Variants in ZNF713 observed in about 807,000 individuals in gnomAD.
ZNF713 encodes zinc finger protein 713.
Under a neutral mutation model 28.7 loss-of-function variants are expected in ZNF713, and 21 were observed. That is an observed-to-expected ratio of 0.73 (90% confidence interval 0.52 to 1.05). The LOEUF (loss-of-function observed/expected upper bound fraction) is 1.05, where lower values mean the gene tolerates loss of function less well. Ranked by LOEUF, ZNF713 falls within the 50% of genes least tolerant of loss-of-function variation. ZNF713 has a pLI of 0.00. For synonymous variants in ZNF713, 167 were observed against 178.0 expected (o/e 0.94, Z 0.49); for missense variants, 458 against 532.4 (o/e 0.86, Z 1.37).
At chr7:55,933,386 C>T (rs1224460576) in intron 6 of ZNF713, among the ~76,000 whole-genome samples, 1 of 152,052 alleles carries the variant, frequency 6.6e-6, no homozygotes, top group African/African-American at 2.4e-5. Context: ...ACCTCCACCT[C>T]CTGAGTTCGA....
chr7:55,934,645 C>T (rs1786306751), intron 6 of ZNF713, among the ~76,000 whole-genome samples: 1 of 152,016 alleles, frequency 6.6e-6, no homozygotes. Context: ...GCTAGGATGG[C>T]AAGCACATGC....
rs770655285 is a variant in ZNF713 at position 55,939,785 on chromosome 7, G to T, written c.1111G>T (p.Glu371Ter). 6.2e-7 allele frequency: 1 copy of T among 1,614,000 alleles called. No individual in the cohort carries two copies. Among genetic ancestry groups the T allele is most frequent in the Non-Finnish European group, 8.5e-7 (1 of 1,180,022 alleles). The change falls in exon 7 of 7, where the codon GAA becomes TAA. Residue 371 changes from glutamate to a stop codon, truncating the protein, a stop_gained. Transcript: ENST00000429591. LOFTEE classifies it high-confidence loss of function. Reference sequence around the variant, plus strand: ...ACTTCATACCGGAGAGAAACCTTACGAATGTGGTTTCTGTGGCAAAGCCTT... The same window carrying T: ...ACTTCATACCGGAGAGAAACCTTACTAATGTGGTTTCTGTGGCAAAGCCTT... Reference protein sequence around the residue: ...HRLHTGEKPYECGFCGKAFSQ... With the variant: ...HRLHTGEKPY
rs1785804312 is a variant in ZNF713, at chr7:55,912,549, C to A, written c.-2-86C>A. 3.2e-6 allele frequency: 3 copies of A among 928,960 alleles called. No individual in the cohort carries two copies. The East Asian group carries it at 7.9e-5, about 24-fold the overall frequency. 57.5% of individuals were successfully genotyped at this position (928,960 alleles called of 1,614,324 possible). A position where few individuals can be genotyped will look rare whatever the true frequency, so the allele number is the denominator to read the frequency against. ...GTCTTAGAGGGCTTCTCAGTACTGT[C>A]TGCCATACCTACACAAAGCAGAATC... On this transcript the variant is annotated intron_variant, in intron 3 of 6. Transcript: ENST00000429591.
At chr7:55,888,911 C>T (rs956784555) in intron 1 of ZNF713, among the ~76,000 whole-genome samples, 1 of 151,794 alleles carries the variant, frequency 6.6e-6, no homozygotes, top group African/African-American at 2.4e-5. Flanking sequence ...ATTAACCGGA[C>T]TTGGTGGTGT....
At chr7:55,929,748 CAA>C (rs767798285) in intron 6 of ZNF713, among the ~76,000 whole-genome samples, 1 of 135,754 alleles carries the variant, frequency 7.4e-6, no homozygotes, top group Non-Finnish European at 1.6e-5. Context: ...GAGCAAGACT[CAA>C]AAAAAAAAAA....
At chr7:55,925,269 A>G (rs533961951) in intron 6 of ZNF713, among the ~76,000 whole-genome samples, 19 of 152,254 alleles carry the variant, frequency 1.2e-4, no homozygotes, top group Admixed American at 2.0e-4. Flanking sequence ...GGCTTTTTCA[A>G]GTTGACTTTG....
intron 6 of ZNF713, among the ~76,000 whole-genome samples, chr7:55,934,951 C>T (rs1042469202): frequency 2.0e-5 from 3 of 148,590 alleles, no homozygotes; most frequent in Non-Finnish European, 3.0e-5. Flanking sequence ...TGCAGTGGCA[C>T]GATCTTGGCT....
chr7:55,911,104 G>A (rs772114745), intron 2 of ZNF713, among the ~76,000 whole-genome samples: 12 of 152,198 alleles, frequency 7.9e-5, no homozygotes, highest in Non-Finnish European at 1.5e-4. Context: ...GCTTGGAATG[G>A]CTGCCTTATC....
chr7:55,919,501 T>G (rs886628769), intron 4 of ZNF713, among the ~76,000 whole-genome samples: 2 of 56,012 alleles, frequency 3.6e-5, no homozygotes, highest in South Asian at 9.4e-4. Flanking sequence ...TTTTTTTTTT[T>G]TTTTTTTTTT....
Position 55,887,612 on chromosome 7 carries a change from G to A in ZNF713, c.-651G>A. 1.0e-5 allele frequency: 1 copy of A among 98,476 alleles called. No individual in the cohort carries two copies. The highest frequency in any genetic ancestry group is 1.7e-5 in the Non-Finnish European group (1 of 57,966). The allele number at this position is 98,476 out of a possible 1,614,324, so 6.1% of individuals were successfully genotyped here. A position where few individuals can be genotyped will look rare whatever the true frequency, so the allele number is the denominator to read the frequency against. ...CTCCCGGGTCCACCGCGGCGGCGGC[G>A]GCGGCGGCGGCGGCGGCGGCGGCGG... is the stretch of plus-strand genomic sequence containing the variant. On this transcript the variant is annotated 5_prime_UTR_variant, in exon 1 of 7. Transcript: ENST00000429591.
intron 2 of ZNF713, among the ~76,000 whole-genome samples, chr7:55,908,135 G>GTTTTTTTTTTTTTT (rs71015120): frequency 1.8e-5 from 1 of 54,658 alleles, no homozygotes; most frequent in Non-Finnish European, 3.5e-5. Flanking sequence ...ATCCGTTGTT[G>GTTTTTTTTTTTTTT]TTTTTTTTTT....
rs927118717 is a variant in ZNF713, at chr7:55,896,612, TAC to T, written c.-583+8940_-583+8941del. The stretch of plus-strand genomic sequence containing the variant: ...GTGTGTGTGTGTGTGTATATATATA[TAC>T]ACACACATAAACACACATAATTGAT... On this transcript the variant is annotated intron_variant, in intron 1 of 6. Coordinates refer to ENST00000429591, the MANE Select transcript of ZNF713 (RefSeq NM_182633.3). Among the ~76,000 whole-genome samples, 3 of 151,132 alleles carry T rather than the reference TAC, an allele frequency of 2.0e-5. No homozygotes were observed. The South Asian group carries it at 6.3e-4, about 32-fold the overall frequency.
Position 55,939,248 on chromosome 7 carries a change from A to G in ZNF713, c.574A>G (p.Asn192Asp). ...CNKFAENCNLNSNLMQQRIPS... is the reference protein window; with the variant it reads ...CNKFAENCNLDSNLMQQRIPS... ...TAAATTTGCAGAAAACTGTAATCTG[A>G]ACTCAAACCTTATGCAGCAGAGAAT... Residue 192 changes from asparagine (N) to aspartate (D), a missense_variant, in exon 7 of 7, where the codon AAC becomes GAC. By Grantham distance (23) the Asn-to-Asp change is conservative. Coordinates refer to ENST00000429591, the MANE Select transcript of ZNF713 (RefSeq NM_182633.3). The G allele has an allele frequency of 6.2e-7, 1 of 1,614,190 alleles. No individual in the cohort carries two copies. Among genetic ancestry groups the G allele is most frequent in the Non-Finnish European group, 8.5e-7 (1 of 1,180,042 alleles).
intron 1 of ZNF713, among the ~76,000 whole-genome samples, chr7:55,900,553 G>A (rs1046322805): frequency 6.6e-6 from 1 of 152,064 alleles, no homozygotes; most frequent in Non-Finnish European, 1.5e-5. Context: ...TGACAACATA[G>A]ATGAACCTGG....
At chr7:55,914,868 T>G (rs562086409) in intron 4 of ZNF713, among the ~76,000 whole-genome samples, 13 of 152,298 alleles carry the variant, frequency 8.5e-5, no homozygotes, top group African/African-American at 3.1e-4. Flanking sequence ...TATTTTATTT[T>G]TTTTGAGACA....
At chr7:55,895,887 A>G (rs906963247) in intron 1 of ZNF713, among the ~76,000 whole-genome samples, 1 of 152,200 alleles carries the variant, frequency 6.6e-6, no homozygotes, top group African/African-American at 2.4e-5. Context: ...AAGCCTGGAA[A>G]GGTTGAGTCA....
intron 1 of ZNF713, among the ~76,000 whole-genome samples, chr7:55,896,005 A>T (rs2116171650): frequency 6.6e-6 from 1 of 152,294 alleles, no homozygotes; most frequent in East Asian, 1.9e-4. Context: ...TGGAAAATTA[A>T]TGGCAAGAGA....
At chr7:55,903,050 T>A (rs1218977819) in intron 1 of ZNF713, among the ~76,000 whole-genome samples, 1 of 150,822 alleles carries the variant, frequency 6.6e-6, no homozygotes, top group Non-Finnish European at 1.5e-5. Context: ...CATTGTACTG[T>A]GGTTTTGTAA....
At chr7:55,912,611 A>G in intron 3 of ZNF713, 24 bp from the exon 4 acceptor site, 1 of 1,548,912 alleles carries the variant, frequency 6.5e-7, no homozygotes, top group Non-Finnish European at 8.9e-7. Flanking sequence ...TCATATATTA[A>G]CAAGATGCTT....
Sources: allele counts gnomAD v4.1 joint callset (sites outside exome capture counted in the v4.1 genomes callset), GRCh38; gene constraint gnomAD v4.1.1; transcripts MANE v1.5; gene names NCBI Gene and HGNC (gene_info 2026-07-23, HGNC 2026-07-21).